LRMDA: variants seen among roughly 807,000 people sequenced by gnomAD.
The protein encoded by LRMDA is leucine-rich melanocyte differentiation-associated protein.
A neutral mutation model predicts 29.8 loss-of-function variants in LRMDA; 18 were observed. The ratio of observed to expected loss-of-function variants is 0.60; its 90% CI spans 0.42 to 0.90. LRMDA has a LOEUF of 0.90. Among genes scored for constraint, LRMDA ranks in the 40% least tolerant of loss-of-function variants. LRMDA has a pLI of 0.00. For missense variants in LRMDA, 273 were observed against 273.9 expected, an observed-to-expected ratio of 1.00 and a Z score of 0.02; for synonymous variants, 125 against 109.4, an observed-to-expected ratio of 1.14 and a Z score of -0.89.
chr10:76,202,976 A>C (rs940519264), intron 5 of LRMDA, among the ~76,000 whole-genome samples: 1 of 152,184 alleles, frequency 6.6e-6, no homozygotes, highest in African/African-American at 2.4e-5. Context: ...TTGGAAACAC[A>C]TCTCTCTATT....
intron 5 of LRMDA, among the ~76,000 whole-genome samples, chr10:76,113,049 T>G (rs2132115689): frequency 6.6e-6 from 1 of 152,286 alleles, no homozygotes; most frequent in Non-Finnish European, 1.5e-5. Flanking sequence ...GCCTTTTCCC[T>G]TTGACTTCCT....
intron 2 of LRMDA, among the ~76,000 whole-genome samples, chr10:75,561,589 C>G (rs1589184805): frequency 6.6e-6 from 1 of 150,832 alleles, no homozygotes; most frequent in Non-Finnish European, 1.5e-5. Context: ...AATGTGTTTG[C>G]TCTTGCTTTT....
At chr10:75,967,483 C>A (rs539099954) in intron 2 of LRMDA, among the ~76,000 whole-genome samples, 4 of 152,186 alleles carry the variant, frequency 2.6e-5, no homozygotes, top group African/African-American at 9.6e-5. Context: ...GTTATAATCG[C>A]AAAGAACTTA....
intron 6 of LRMDA, among the ~76,000 whole-genome samples, chr10:76,413,259 C>T (rs2132510871): frequency 6.6e-6 from 1 of 152,278 alleles, no homozygotes; most frequent in East Asian, 1.9e-4. Context: ...CCAGCTCTGA[C>T]TTTTGCATGA....
At chr10:75,991,463 C>T (rs1318093357) in intron 2 of LRMDA, among the ~76,000 whole-genome samples, 1 of 152,204 alleles carries the variant, frequency 6.6e-6, no homozygotes, top group African/African-American at 2.4e-5. Flanking sequence ...TGAATCTCTA[C>T]ATCTGTAAGC....
At chr10:76,301,081 T>C (rs139082240) in intron 5 of LRMDA, among the ~76,000 whole-genome samples, 99 of 152,318 alleles carry the variant, frequency 6.5e-4, no homozygotes, top group African/African-American at 2.2e-3. Context: ...CTGGTTAAGA[T>C]GTTCAGGAGA....
At chr10:76,221,357 G>A (rs1273072666) in intron 5 of LRMDA, among the ~76,000 whole-genome samples, 2 of 152,222 alleles carry the variant, frequency 1.3e-5, no homozygotes, top group African/African-American at 2.4e-5. Context: ...TGACATGATT[G>A]TACATCTAGA....
intron 6 of LRMDA, among the ~76,000 whole-genome samples, chr10:76,472,879 A>G (rs1329397821): frequency 6.6e-6 from 1 of 151,528 alleles, no homozygotes; most frequent in East Asian, 1.9e-4. Context: ...ACAAACAAAC[A>G]AAAAACAACC....
intron 6 of LRMDA, among the ~76,000 whole-genome samples, chr10:76,530,049 T>C (rs1445011136): frequency 6.6e-6 from 1 of 152,164 alleles, no homozygotes; most frequent in Non-Finnish European, 1.5e-5. Flanking sequence ...TGAACTTTCC[T>C]CTTAGCCCAC....
intron 5 of LRMDA, among the ~76,000 whole-genome samples, chr10:76,129,408 T>C (rs959286769): frequency 2.6e-5 from 4 of 152,154 alleles, no homozygotes; most frequent in African/African-American, 9.7e-5. Flanking sequence ...AGAAGACTAT[T>C]TATAGCTCCC....
intron 6 of LRMDA, among the ~76,000 whole-genome samples, chr10:76,519,595 A>C (rs541581063): frequency 6.6e-6 from 1 of 152,202 alleles, no homozygotes; most frequent in Admixed American, 6.5e-5. Context: ...TAAATGTTTG[A>C]TATACGGTGA....
intron 2 of LRMDA, among the ~76,000 whole-genome samples, chr10:75,809,763 T>G (rs1843923971): frequency 6.6e-6 from 1 of 152,152 alleles, no homozygotes; most frequent in Non-Finnish European, 1.5e-5. Context: ...GACTGACAGG[T>G]GGTGCGTGAC....
Position 76,219,813 on chromosome 10 carries a change from A to AT in LRMDA, c.517-104580dup, listed in dbSNP as rs909266192. Among the ~76,000 whole-genome samples the AT allele has an allele frequency of 2.2e-4, 34 of 152,140 alleles. No individual in the cohort carries two copies. In the South Asian group the frequency reaches 4.4e-3, roughly 19 times the overall value. ...TCCACCCCAAATCAACAGAGTATAC[A>AT]TTTTTTTTCAGCACCACACCACACC... is the stretch of plus-strand genomic sequence containing the variant. On this transcript the variant is annotated intron_variant, in intron 5 of 6. Coordinates refer to ENST00000611255, the MANE Select transcript of LRMDA (RefSeq NM_001305581.2).
chr10:76,316,507 G>A (rs1323037371), intron 5 of LRMDA, among the ~76,000 whole-genome samples: 1 of 152,216 alleles, frequency 6.6e-6, no homozygotes. Flanking sequence ...GCTGGGCCAA[G>A]TGTGTGGAAT....
chr10:76,558,495 G>C lies in LRMDA; in HGVS notation c.*1207G>C, dbSNP rs962437533. On this transcript the variant is annotated 3_prime_UTR_variant, in exon 7 of 7. Transcript: ENST00000611255. ...GGGTGACTCAAAGTTTATCTAACTT[G>C]CTGGTGCACCAGTCAAATCACTCTA... The C allele has an allele frequency of 1.3e-5, 2 of 152,166 alleles. No homozygotes were observed. Among genetic ancestry groups the C allele is most frequent in the African/African-American group, 4.8e-5 (2 of 41,438 alleles). 9.4% of individuals were successfully genotyped at this position (152,166 alleles called of 1,614,324 possible). A position where few individuals can be genotyped will look rare whatever the true frequency, so the allele number is the denominator to read the frequency against.
chr10:76,535,307 G>T (rs995074529), intron 6 of LRMDA, among the ~76,000 whole-genome samples: 1 of 152,186 alleles, frequency 6.6e-6, no homozygotes, highest in African/African-American at 2.4e-5. Flanking sequence ...CTCTTGAGGG[G>T]GTTGGAAGAA....
At chr10:75,946,332 G>A (rs183885258) in intron 2 of LRMDA, among the ~76,000 whole-genome samples, 16 of 152,320 alleles carry the variant, frequency 1.1e-4, no homozygotes, top group Admixed American at 3.9e-4. Flanking sequence ...GCACTGTCAC[G>A]CTAGATAACT....
Position 76,315,003 on chromosome 10 carries a change from G to T in LRMDA, c.517-9398G>T, listed in dbSNP as rs1210638958. Among the ~76,000 whole-genome samples the T allele has an allele frequency of 2.0e-5, 3 of 152,156 alleles. No homozygotes were observed. The South Asian group carries it at 6.2e-4, about 32-fold the overall frequency. On this transcript the variant is annotated intron_variant, in intron 5 of 6. Coordinates refer to ENST00000611255, the MANE Select transcript of LRMDA (RefSeq NM_001305581.2). Reference sequence around the variant, plus strand: ...GTATGTGCACTAAATAAGCCTAGGAGGGTTTTCTTTGCCAGGCACCTTTGA... The same window carrying T: ...GTATGTGCACTAAATAAGCCTAGGATGGTTTTCTTTGCCAGGCACCTTTGA...
intron 2 of LRMDA, among the ~76,000 whole-genome samples, chr10:75,499,270 G>A (rs1346118952): frequency 6.6e-6 from 1 of 152,142 alleles, no homozygotes; most frequent in Non-Finnish European, 1.5e-5. Flanking sequence ...CTAAAATACA[G>A]CTATCCTTGC....
Sources: gnomAD v4.1 joint callset for allele counts (sites outside exome capture counted in the v4.1 genomes callset) on GRCh38, gnomAD v4.1.1 for gene constraint, MANE v1.5 for transcripts, NCBI Gene and HGNC (gene_info 2026-07-23, HGNC 2026-07-21) for gene names.